Variants in MAN2A1 observed in about 807,000 individuals in gnomAD.
The protein encoded by MAN2A1 is alpha-mannosidase 2.
In MAN2A1, 76 loss-of-function variants were observed where a neutral mutation model predicts 142.6. The observed-to-expected ratio is 0.53, with a 90% CI of 0.44 to 0.65. MAN2A1 has a LOEUF of 0.65. Ranked by LOEUF, MAN2A1 falls within the 30% of genes least tolerant of loss-of-function variation. MAN2A1 has a pLI of 0.00. For missense variants in MAN2A1, 1,311 were observed against 1,365.1 expected, an observed-to-expected ratio of 0.96 and a Z score of 0.62; for synonymous variants, 559 against 473.2, an observed-to-expected ratio of 1.18 and a Z score of -2.35.
intron 4 of MAN2A1, among the ~76,000 whole-genome samples, chr5:109,741,511 T>G (rs1167959987): frequency 6.6e-6 from 1 of 152,212 alleles, no homozygotes; most frequent in African/African-American, 2.4e-5. Flanking sequence ...GCAGTGGCTT[T>G]TCTCTTTTTG....
At chr5:109,823,073 T>A (rs1754670029) in intron 15 of MAN2A1, among the ~76,000 whole-genome samples, 1 of 152,244 alleles carries the variant, frequency 6.6e-6, no homozygotes, top group Non-Finnish European at 1.5e-5. Flanking sequence ...ATATAATTAC[T>A]CATAAATGTT....
At chr5:109,770,696 A>G (rs770690645) in intron 7 of MAN2A1, among the ~76,000 whole-genome samples, 155 bp downstream of exon 7, 2 of 152,182 alleles carry the variant, frequency 1.3e-5, no homozygotes, top group Non-Finnish European at 2.9e-5. Context: ...TAAAAATGCC[A>G]GAGCCTTGAC....
At position 109,767,952 on chromosome 5, in the gene MAN2A1, GAGTT is replaced by G. The variant is rs1753038258; in HGVS notation, c.1009+248_1009+251del. ...TTTAAAGAAAGTAGATAAATATAAG[GAGTT>G]AGTATTTTGCCAATAATGCTTTCAC... On this transcript the variant is annotated intron_variant, in intron 6 of 21. Transcript: ENST00000261483. Among the ~76,000 whole-genome samples the G allele has an allele frequency of 3.3e-5, 5 of 152,308 alleles. No homozygotes were observed. In the South Asian group the frequency reaches 1.0e-3, roughly 32 times the overall value.
At chr5:109,731,729 C>T (rs1251144165) in intron 4 of MAN2A1, among the ~76,000 whole-genome samples, 2 of 151,798 alleles carry the variant, frequency 1.3e-5, no homozygotes, top group Non-Finnish European at 2.9e-5. Flanking sequence ...CCATGGTGTA[C>T]ATGTGCCACA....
intron 19 of MAN2A1, among the ~76,000 whole-genome samples, chr5:109,850,976 A>G (rs369381606): frequency 1.3e-5 from 2 of 152,322 alleles, no homozygotes; most frequent in African/African-American, 4.8e-5. Context: ...ATGTAACTTG[A>G]ATTTTCTAGA....
intron 12 of MAN2A1, among the ~76,000 whole-genome samples, chr5:109,813,817 G>A (rs1448618355): frequency 1.3e-5 from 2 of 152,206 alleles, no homozygotes; most frequent in Non-Finnish European, 2.9e-5. Context: ...TTCAAGGACA[G>A]CCACGTTTAC....
intron 3 of MAN2A1, among the ~76,000 whole-genome samples, chr5:109,726,174 A>G (rs992800293): frequency 6.6e-6 from 1 of 152,260 alleles, no homozygotes; most frequent in Non-Finnish European, 1.5e-5. Context: ...TTTGCAACTC[A>G]GTGTCCTAAG....
At chr5:109,795,282 C>T (rs1385965370) in intron 12 of MAN2A1, among the ~76,000 whole-genome samples, 1 of 152,076 alleles carries the variant, frequency 6.6e-6, no homozygotes, top group Admixed American at 6.6e-5. Context: ...GTTCCAGTCC[C>T]TCCCACCCTT....
chr5:109,819,258 G>A (rs1465317090), intron 13 of MAN2A1, among the ~76,000 whole-genome samples: 1 of 152,126 alleles, frequency 6.6e-6, no homozygotes, highest in African/African-American at 2.4e-5. Context: ...ATTTTGGATA[G>A]GTTAGGTGTA....
At chr5:109,825,799 C>G (rs1459401543) in intron 16 of MAN2A1, among the ~76,000 whole-genome samples, 1 of 152,002 alleles carries the variant, frequency 6.6e-6, no homozygotes. Context: ...TGGCTCCTGG[C>G]CTTCCAAAGG....
chr5:109,702,330 TGTGTG>T (rs1201473705), intron 1 of MAN2A1, among the ~76,000 whole-genome samples: 1 of 151,572 alleles, frequency 6.6e-6, no homozygotes, highest in African/African-American at 2.4e-5. Context: ...TGTGTGTGTG[TGTGTG>T]TGTGTGTGTG....
At chr5:109,788,913 A>C in intron 10 of MAN2A1, 21 bp from the exon 11 acceptor site, 1 of 1,098,470 alleles carries the variant, frequency 9.1e-7, no homozygotes, top group East Asian at 2.4e-5. Flanking sequence ...TTCTCAGACT[A>C]ATAAAATTTT....
At chr5:109,832,242 TA>T (rs1447203983) in intron 16 of MAN2A1, among the ~76,000 whole-genome samples, 6 of 146,100 alleles carry the variant, frequency 4.1e-5, no homozygotes, top group African/African-American at 1.5e-4. Flanking sequence ...GGCAGGGTCA[TA>T]GGACAATAGT....
intron 19 of MAN2A1, among the ~76,000 whole-genome samples, chr5:109,848,262 C>G (rs1320835872): frequency 6.6e-6 from 1 of 152,114 alleles, no homozygotes; most frequent in Non-Finnish European, 1.5e-5. Flanking sequence ...AGGTTTACTC[C>G]TCAAAGCAAA....
At chr5:109,829,730 C>T (rs116002645) in intron 16 of MAN2A1, among the ~76,000 whole-genome samples, 2,051 of 152,282 alleles carry the variant, frequency 0.013, 55 homozygotes, top group African/African-American at 0.047. Context: ...CTGATCTGGA[C>T]GCAATGGTTT....
intron 18 of MAN2A1, among the ~76,000 whole-genome samples, chr5:109,847,407 T>C (rs964841481): frequency 4.6e-5 from 7 of 152,218 alleles, no homozygotes; most frequent in Non-Finnish European, 8.8e-5. Context: ...ACTTTTAAAT[T>C]TCTTATCAGA....
At chr5:109,797,483 G>T (rs1753894556) in intron 12 of MAN2A1, among the ~76,000 whole-genome samples, 1 of 151,900 alleles carries the variant, frequency 6.6e-6, no homozygotes. Flanking sequence ...GGGTATGGAT[G>T]TGAAAAAAAA....
At chr5:109,801,129 T>G (rs1480446894) in intron 12 of MAN2A1, among the ~76,000 whole-genome samples, 2 of 152,176 alleles carry the variant, frequency 1.3e-5, no homozygotes, top group Non-Finnish European at 2.9e-5. Flanking sequence ...CTTTTATTAT[T>G]CTTATGGACA....
At chr5:109,818,615 T>A (rs942872692) in intron 13 of MAN2A1, among the ~76,000 whole-genome samples, 3 of 152,196 alleles carry the variant, frequency 2.0e-5, no homozygotes, top group Non-Finnish European at 2.9e-5. Context: ...ATTATGTTTA[T>A]CATTTTTATT....
Sources: allele counts gnomAD v4.1 joint callset (sites outside exome capture counted in the v4.1 genomes callset), GRCh38; gene constraint gnomAD v4.1.1; transcripts MANE v1.5; gene names NCBI Gene and HGNC (gene_info 2026-07-23, HGNC 2026-07-21).